AP4E1: variants seen among roughly 807,000 people sequenced by gnomAD.
The protein encoded by AP4E1 is AP-4 complex subunit epsilon-1.
Under a neutral mutation model 128.2 loss-of-function variants are expected in AP4E1, and 56 were observed. That is an observed-to-expected ratio of 0.44 (90% CI 0.35 to 0.55). AP4E1 has a LOEUF of 0.55. Among genes scored for constraint, AP4E1 ranks in the 20% least tolerant of loss-of-function variants. The pLI is 0.00. For missense variants in AP4E1, 1,324 were observed against 1,307.7 expected (o/e 1.01, Z -0.19); for synonymous variants, 484 against 473.1 (o/e 1.02, Z -0.30).
intron 3 of AP4E1, among the ~76,000 whole-genome samples, chr15:50,920,271 G>A (rs2063683443): frequency 6.6e-6 from 1 of 151,578 alleles, no homozygotes; most frequent in Admixed American, 6.6e-5. Flanking sequence ...CTGCCACCGT[G>A]CCTAGCTAAT....
At chr15:50,947,496 G>A (rs1166215985) in intron 10 of AP4E1, among the ~76,000 whole-genome samples, 1 of 151,302 alleles carries the variant, frequency 6.6e-6, no homozygotes, top group African/African-American at 2.4e-5. Flanking sequence ...TGAAGCATTT[G>A]AGCCACCAGT....
rs944451025 is a variant in AP4E1 at position 51,002,706 on chromosome 15, C to T, written c.*44C>T. ...TTACTCCATCAAGATCAATGGTTTACATAGATAAACTTATTTACCAAAGTA... is the reference window on the plus strand; with the variant it reads ...TTACTCCATCAAGATCAATGGTTTATATAGATAAACTTATTTACCAAAGTA... On this transcript the variant is annotated 3_prime_UTR_variant, in exon 21 of 21. Coordinates refer to ENST00000261842, the MANE Select transcript of AP4E1 (RefSeq NM_007347.5). 3.1e-6 allele frequency: 5 copies of T among 1,609,312 alleles called. No homozygotes were observed. Among genetic ancestry groups the T allele is most frequent in the Admixed American group, 3.3e-5 (2 of 59,810 alleles).
At chr15:50,962,643 A>G (rs1055358762) in intron 14 of AP4E1, among the ~76,000 whole-genome samples, 1 of 152,068 alleles carries the variant, frequency 6.6e-6, no homozygotes, top group African/African-American at 2.4e-5. Flanking sequence ...CCAAAACTAT[A>G]AAACTACTAG....
chr15:50,970,119 TC>T (rs1168319944), intron 15 of AP4E1, among the ~76,000 whole-genome samples: 1 of 152,202 alleles, frequency 6.6e-6, no homozygotes, highest in Non-Finnish European at 1.5e-5. Flanking sequence ...GCGCCTAGTA[TC>T]CTCTATTCTA....
chr15:50,956,056 C>T (rs1048895509), intron 13 of AP4E1, among the ~76,000 whole-genome samples: 18 of 152,222 alleles, frequency 1.2e-4, no homozygotes, highest in Admixed American at 3.3e-4. Context: ...CACATCCAGT[C>T]TGAGGTAAAT....
At position 50,993,634 on chromosome 15, in the gene AP4E1, T is replaced by A; in HGVS notation, c.2346+9T>A. ...AAAGTACAATCAACCTGGTAAGTAA[T>A]CGGTTCTATTCCTGTAAGAATCTTT... On this transcript the variant is annotated intron_variant, in intron 17 of 20. Coordinates refer to ENST00000261842, the MANE Select transcript of AP4E1 (RefSeq NM_007347.5). The A allele has an allele frequency of 1.2e-6, 2 of 1,613,802 alleles. No individual in the cohort carries two copies. Among genetic ancestry groups the A allele is most frequent in the Non-Finnish European group, 1.7e-6 (2 of 1,179,832 alleles).
intron 6 of AP4E1, among the ~76,000 whole-genome samples, chr15:50,930,494 A>C (rs2063820668): frequency 1.3e-5 from 2 of 151,474 alleles, no homozygotes; most frequent in African/African-American, 4.9e-5. Flanking sequence ...AGTTCTTTTC[A>C]CTTTTTGTTT....
At chr15:50,936,272 G>GT (rs1183649076) in intron 8 of AP4E1, among the ~76,000 whole-genome samples, 1 of 151,984 alleles carries the variant, frequency 6.6e-6, no homozygotes, top group Admixed American at 6.5e-5. Flanking sequence ...GTAATTTAAA[G>GT]TTTTTTGTTT....
intron 8 of AP4E1, among the ~76,000 whole-genome samples, chr15:50,934,954 AT>A (rs1353117660): frequency 3.9e-5 from 6 of 152,006 alleles, no homozygotes; most frequent in South Asian, 2.1e-4. Context: ...TCAATTATCT[AT>A]TTTTTTCAAG....
intron 15 of AP4E1, among the ~76,000 whole-genome samples, chr15:50,969,677 T>TTA (rs1319649406): frequency 1.3e-5 from 2 of 150,902 alleles, no homozygotes; most frequent in African/African-American, 4.9e-5. Context: ...TTTTTTTTTT[T>TTA]AGACAGAGTC....
intron 2 of AP4E1, among the ~76,000 whole-genome samples, chr15:50,912,377 C>T (rs576681542): frequency 3.3e-5 from 5 of 152,300 alleles, no homozygotes; most frequent in Admixed American, 6.5e-5. Context: ...ATGATGATTA[C>T]ATAAATGTGG....
rs2064980585 is a variant in AP4E1, at chr15:51,002,768, T to C, written c.*106T>C. On this transcript the variant is annotated 3_prime_UTR_variant, in exon 21 of 21. Transcript: ENST00000261842. ...TGGTACTTCTAATGAAAATGGGGAT[T>C]ATTACAAGTGTGGTTTATATGTTTT... 1 of 1,356,828 alleles carries C rather than the reference T, an allele frequency of 7.4e-7. No individual in the cohort carries two copies. The highest frequency in any genetic ancestry group is 1.9e-5 in the Admixed American group (1 of 51,726). 84.0% of individuals were successfully genotyped at this position (1,356,828 alleles called of 1,614,324 possible).
At chr15:50,924,260 A>G (rs1214876856) in intron 4 of AP4E1, among the ~76,000 whole-genome samples, 5 of 152,210 alleles carry the variant, frequency 3.3e-5, no homozygotes, top group Non-Finnish European at 7.4e-5. Flanking sequence ...TTTAAAACAC[A>G]GAGTTAGAAC....
intron 14 of AP4E1, 56 bp from the exon 15 acceptor site, chr15:50,968,207 T>C (rs2064421061): frequency 8.7e-7 from 1 of 1,151,412 alleles, no homozygotes; most frequent in Non-Finnish European, 1.3e-6. Flanking sequence ...TGTGACTATA[T>C]AATCTACTTA....
Position 50,950,144 on chromosome 15 carries a change from A to C in AP4E1, c.1523A>C (p.Gln508Pro). 6.2e-7 allele frequency: 1 copy of C among 1,612,424 alleles called. No homozygotes were observed. Among genetic ancestry groups the C allele is most frequent in the Non-Finnish European group, 8.5e-7 (1 of 1,178,908 alleles). The change falls in exon 13 of 21, where the codon CAG becomes CCG. Residue 508 changes from glutamine (Q) to proline (P), a missense_variant. Physicochemically the swap from Gln to Pro is moderately conservative, Grantham distance 76. Coordinates refer to ENST00000261842, the MANE Select transcript of AP4E1 (RefSeq NM_007347.5). ...GATATGGAAAATGTGTTCTATCCAC[A>C]GAGATTTCTTCAAGTTATGAGTTGG... ...LLDMENVFYP[Q>P]RFLQVMSWVL... is the part of the protein sequence containing the mutation.
At chr15:50,965,965 T>G (rs1596490139) in intron 14 of AP4E1, among the ~76,000 whole-genome samples, 1 of 152,122 alleles carries the variant, frequency 6.6e-6, no homozygotes, top group Non-Finnish European at 1.5e-5. Flanking sequence ...CCACCCAGGC[T>G]GGAGTGTAGT....
intron 10 of AP4E1, chr15:50,945,718 A>G: frequency 1.3e-6 from 1 of 783,396 alleles, no homozygotes; most frequent in Admixed American, 1.8e-5. Context: ...TTGCCTGTGG[A>G]AAGCTAATGC....
Position 50,997,023 on chromosome 15 carries a change from ATACTC to A in AP4E1, c.2347-300_2347-296del, listed in dbSNP as rs142087285. Reference sequence around the variant, plus strand: ...ACTGCTTTTTAATTTGTTCAGTTCTATACTCTAGTATTCTGAAATCTAACAAGTTT... The same window carrying A: ...ACTGCTTTTTAATTTGTTCAGTTCTATAGTATTCTGAAATCTAACAAGTTT... On this transcript the variant is annotated intron_variant, in intron 17 of 20. Transcript: ENST00000261842. Among the ~76,000 whole-genome samples the A allele has an allele frequency of 6.5e-3, 989 of 152,328 alleles. 14 individuals carry two copies. Among genetic ancestry groups the A allele is most frequent in the African/African-American group, 0.023 (963 of 41,576 alleles).
chr15:50,978,550 A>G (rs921356917), intron 15 of AP4E1, among the ~76,000 whole-genome samples: 11 of 152,328 alleles, frequency 7.2e-5, no homozygotes, highest in Middle Eastern at 3.4e-3. Flanking sequence ...AGGGATACAA[A>G]TAGGTTGAAT....
Sources: allele counts gnomAD v4.1 joint callset (sites outside exome capture counted in the v4.1 genomes callset), GRCh38; gene constraint gnomAD v4.1.1; transcripts MANE v1.5; gene names NCBI Gene and HGNC (gene_info 2026-07-23, HGNC 2026-07-21).